Variants in E2F5 observed in about 807,000 individuals in gnomAD.
E2F5 encodes transcription factor E2F5.
A neutral mutation model predicts 39.1 loss-of-function variants in E2F5; 23 were observed. That is an observed-to-expected ratio of 0.59 (90% CI 0.42 to 0.83). The LOEUF (loss-of-function observed/expected upper bound fraction) is 0.83. E2F5 is among the 40% of genes least tolerant of loss of function. The probability of loss-of-function intolerance (pLI) is 0.00; values close to 1 mark genes in which losing one functional copy is unlikely to be tolerated. For synonymous variants in E2F5, 145 were observed against 157.8 expected (o/e 0.92, Z 0.61); for missense variants, 365 against 406.7 (o/e 0.90, Z 0.88).
intron 5 of E2F5, among the ~76,000 whole-genome samples, chr8:85,208,284 C>T (rs987887225): frequency 4.6e-5 from 7 of 152,114 alleles, no homozygotes; most frequent in Non-Finnish European, 8.8e-5. Context: ...GCCGAAATCG[C>T]GCCATTGCAC....
chr8:85,191,288 T>C (rs1812457895), intron 1 of E2F5, among the ~76,000 whole-genome samples: 1 of 152,100 alleles, frequency 6.6e-6, no homozygotes, highest in Non-Finnish European at 1.5e-5. Context: ...TACCAGGAGC[T>C]TGGGGAGATG....
chr8:85,192,421 A>G (rs1812485029), intron 1 of E2F5, among the ~76,000 whole-genome samples: 1 of 152,210 alleles, frequency 6.6e-6, no homozygotes, highest in Non-Finnish European at 1.5e-5. Context: ...TGTAAGGAAA[A>G]TGGTTTTTAG....
Position 85,209,266 on chromosome 8 carries a change from A to G in E2F5, c.740A>G (p.Asp247Gly), listed in dbSNP as rs749143326. The change falls in exon 6 of 8, where the codon GAT becomes GGT. Residue 247 changes from aspartate to glycine, a missense_variant. By Grantham distance (94) the Asp-to-Gly change is moderately conservative (BLOSUM62 -1). Coordinates refer to ENST00000416274, the MANE Select transcript of E2F5 (RefSeq NM_001951.4). ...GTGGTTTTTCCTGTTCCCCCACCTG[A>G]TGACCTCACACAGCCTTCCTCCCAG... Reference protein sequence around the residue: ...KPVVFPVPPPDDLTQPSSQSL... With the variant: ...KPVVFPVPPPGDLTQPSSQSL... 6.2e-7 allele frequency: 1 copy of G among 1,613,978 alleles called. No homozygotes were observed. Among genetic ancestry groups the G allele is most frequent in the South Asian group, 1.1e-5 (1 of 91,082 alleles).
At chr8:85,180,953 T>C (rs989966368) in intron 1 of E2F5, among the ~76,000 whole-genome samples, 14 of 150,852 alleles carry the variant, frequency 9.3e-5, no homozygotes, top group Non-Finnish European at 1.8e-4. Flanking sequence ...TCTCAGCTCA[T>C]TGTAACCTCC....
At chr8:85,183,917 T>G (rs1015354196) in intron 1 of E2F5, among the ~76,000 whole-genome samples, 1 of 152,090 alleles carries the variant, frequency 6.6e-6, no homozygotes, top group African/African-American at 2.4e-5. Flanking sequence ...CTAATCTGAC[T>G]GGGGTCCTTA....
Position 85,203,080 on chromosome 8 carries a change from C to T in E2F5, c.345-14C>T, listed in dbSNP as rs752557784. 2.1e-6 allele frequency: 3 copies of T among 1,458,272 alleles called. No individual in the cohort carries two copies. The highest frequency in any genetic ancestry group is 1.4e-5 in the African/African-American group (1 of 69,924). 90.3% of individuals were successfully genotyped at this position (1,458,272 alleles called of 1,614,324 possible). ...ATCTGATACTGAGGATATTAATTCT[C>T]ATATGTTTTTAAGAGGTGTAGGTGC... On this transcript the variant is annotated splice_polypyrimidine_tract_variant and intron_variant, in intron 2 of 7. Coordinates refer to ENST00000416274, the MANE Select transcript of E2F5 (RefSeq NM_001951.4).
intron 5 of E2F5, 147 bp from the exon 6 acceptor site, chr8:85,208,995 C>T: frequency 1.3e-6 from 1 of 796,490 alleles, no homozygotes; most frequent in Non-Finnish European, 2.0e-6. Flanking sequence ...TACTCTATGT[C>T]TCTACTTTTG....
intron 3 of E2F5, among the ~76,000 whole-genome samples, chr8:85,203,456 C>T (rs1362405185): frequency 3.9e-5 from 6 of 152,090 alleles, no homozygotes; most frequent in East Asian, 1.9e-4. Context: ...GATCCGTTAG[C>T]GTTATTCCTG....
At chr8:85,208,128 AG>A (rs1208123271) in intron 5 of E2F5, among the ~76,000 whole-genome samples, 4 of 152,218 alleles carry the variant, frequency 2.6e-5, no homozygotes, top group Admixed American at 2.6e-4. Context: ...CAGGAGTTTA[AG>A]ACCAGCCTGA....
At chr8:85,195,913 T>TA (rs1336427832) in intron 1 of E2F5, among the ~76,000 whole-genome samples, 22 of 152,176 alleles carry the variant, frequency 1.4e-4, no homozygotes, top group Admixed American at 6.5e-5. Context: ...TTATCAAATA[T>TA]CTTTTTTTCA....
At chr8:85,212,701 T>G (rs1047865714) in intron 7 of E2F5, 1 of 152,488 alleles carries the variant, frequency 6.6e-6, no homozygotes, top group African/African-American at 2.4e-5. Flanking sequence ...AGTTCTTGGA[T>G]CAGAGTCCTA....
chr8:85,189,063 C>T (rs1051021505), intron 1 of E2F5, among the ~76,000 whole-genome samples: 43 of 152,084 alleles, frequency 2.8e-4, no homozygotes, highest in Admixed American at 2.2e-3. Flanking sequence ...TTGCTCCATC[C>T]CTTCCTAAAT....
At chr8:85,190,406 C>T (rs1157785272) in intron 1 of E2F5, among the ~76,000 whole-genome samples, 1 of 151,712 alleles carries the variant, frequency 6.6e-6, no homozygotes. Context: ...TGTCCTAATT[C>T]CCAGGACCTG....
chr8:85,194,034 G>T (rs2896453), intron 1 of E2F5, among the ~76,000 whole-genome samples: 117,105 of 152,104 alleles, frequency 0.77, 45,950 homozygotes, highest in African/African-American at 0.87. Flanking sequence ...TTCAAGAATG[G>T]TAACTTTTTT....
intron 1 of E2F5, among the ~76,000 whole-genome samples, chr8:85,200,114 G>A (rs1010817232): frequency 6.6e-6 from 1 of 152,080 alleles, no homozygotes; most frequent in African/African-American, 2.4e-5. Flanking sequence ...AGTCGTGGTG[G>A]TACACACCTG....
intron 1 of E2F5, among the ~76,000 whole-genome samples, chr8:85,199,005 G>T (rs915307714): frequency 6.6e-6 from 1 of 151,966 alleles, no homozygotes; most frequent in Non-Finnish European, 1.5e-5. Flanking sequence ...TTCCTCTCTA[G>T]GGACCTGCTG....
intron 1 of E2F5, chr8:85,177,917 C>T: frequency 1.3e-5 from 5 of 392,628 alleles, no homozygotes; most frequent in Middle Eastern, 9.9e-4. Context: ...GAGCCCAGGA[C>T]CTCGAGCGCG....
At chr8:85,209,913 A>C (rs1004838944) in intron 6 of E2F5, among the ~76,000 whole-genome samples, 6 of 152,098 alleles carry the variant, frequency 3.9e-5, no homozygotes, top group Non-Finnish European at 5.9e-5. Flanking sequence ...TATACTTTTT[A>C]TTTGGGAAGC....
At chr8:85,212,046 C>A in intron 6 of E2F5, 111 bp from the exon 7 acceptor site, 1 of 807,940 alleles carries the variant, frequency 1.2e-6, no homozygotes, top group Non-Finnish European at 2.0e-6. Context: ...AGTACTAGTA[C>A]TTTAAATAAA....
Sources: gnomAD v4.1 joint callset for allele counts (sites outside exome capture counted in the v4.1 genomes callset) on GRCh38, gnomAD v4.1.1 for gene constraint, MANE v1.5 for transcripts, NCBI Gene and HGNC (gene_info 2026-07-23, HGNC 2026-07-21) for gene names.